The following CIBAR2 variants were observed in gnomAD, a reference collection of about 807,000 sequenced individuals.
CIBAR2 encodes the protein CBY1 interacting BAR domain containing 2.
CIBAR2 carries 38 observed loss-of-function variants against 36.2 expected under a neutral mutation model. The observed-to-expected ratio is 1.05, with a 90% CI of 0.81 to 1.38. The LOEUF is 1.38. CIBAR2 is among the 40% of genes most tolerant of loss of function. The pLI is 0.00. For missense variants in CIBAR2, 481 were observed against 383.4 expected, an observed-to-expected ratio of 1.25 and a Z score of -2.13; for synonymous variants, 182 against 149.5, an observed-to-expected ratio of 1.22 and a Z score of -1.58.
At chr16:85,105,548 G>A in intron 5 of CIBAR2, 117 bp from the exon 6 acceptor site, 3 of 718,974 alleles carry the variant, frequency 4.2e-6, no homozygotes, top group Non-Finnish European at 7.0e-6. Context: ...CCTGCCTCAA[G>A]GGACGTTTCT....
At position 85,102,241 on chromosome 16, in the gene CIBAR2, C is replaced by A; in HGVS notation, c.624G>T (p.Glu208Asp). ...EVYSSAFQTLEKYDLERDLLD... is the reference protein window; with the variant it reads ...EVYSSAFQTLDKYDLERDLLD... Reference sequence around the variant, plus strand: ...GTAGATCCCTCTCCAGGTCATACTTCTCCAGGGTCTGGAAGGCGCTAGAAT... The same window carrying A: ...GTAGATCCCTCTCCAGGTCATACTTATCCAGGGTCTGGAAGGCGCTAGAAT... The change falls in exon 7 of 9, where the codon GAG (glutamate) becomes GAT (aspartate). Residue 208 changes from glutamate (E) to aspartate (D), a missense_variant. By Grantham distance (45) the Glu-to-Asp change is conservative (BLOSUM62 2). Transcript: ENST00000539556. The A allele has an allele frequency of 6.2e-7, 1 of 1,609,838 alleles. No homozygotes were observed. The highest frequency in any genetic ancestry group is 1.1e-5 in the South Asian group (1 of 91,002).
chr16:85,102,370 A>G, intron 6 of CIBAR2, 43 bp from the exon 7 acceptor site: 1 of 1,260,380 alleles, frequency 7.9e-7, no homozygotes, highest in East Asian at 2.3e-5. Context: ...TCGCAGTGAG[A>G]AAGAGCCCAG....
intron 7 of CIBAR2, among the ~76,000 whole-genome samples, chr16:85,100,546 T>C (rs765300445): frequency 6.7e-6 from 1 of 148,446 alleles, no homozygotes; most frequent in African/African-American, 2.5e-5. Flanking sequence ...TATTGTGAAG[T>C]GAGTGAATGC....
At chr16:85,101,706 G>A (rs1235346398) in intron 7 of CIBAR2, among the ~76,000 whole-genome samples, 1 of 149,446 alleles carries the variant, frequency 6.7e-6, no homozygotes. Flanking sequence ...GTCTCGCTCT[G>A]TCGCCCAGGC....
At chr16:85,107,279 G>A (rs553101544) in intron 5 of CIBAR2, among the ~76,000 whole-genome samples, 12 of 152,222 alleles carry the variant, frequency 7.9e-5, no homozygotes, top group Non-Finnish European at 8.8e-5. Flanking sequence ...CTTTCCCACG[G>A]GGCAGGACAG....
At chr16:85,102,355 A>C (rs1276160218) in intron 6 of CIBAR2, 28 bp from the exon 7 acceptor site, 1 of 1,396,938 alleles carries the variant, frequency 7.2e-7, no homozygotes. Context: ...CAAAGAATGT[A>C]AGCATCGCAG....
In CIBAR2 at chr16:85,110,242, T is replaced by A; in HGVS notation, c.239A>T (p.Asp80Val). The A allele has an allele frequency of 1.3e-6, 2 of 1,575,628 alleles. No individual in the cohort carries two copies. Among genetic ancestry groups the A allele is most frequent in the Non-Finnish European group, 1.7e-6 (2 of 1,157,394 alleles). ...GFAEDLAKVQDYRQAQVERLE... is the reference protein window; with the variant it reads ...GFAEDLAKVQVYRQAQVERLE... ...AGCACTCACCTGGGCCTGCCGGTAA[T>A]CCTGCACTTTGGCCAGGTCCTCAGC... The change falls in exon 2 of 9, where the codon GAT becomes GTT. Residue 80 changes from aspartate (D) to valine (V), a missense_variant. Asp to Val is a radical substitution (Grantham distance 152, BLOSUM62 -3). Transcript: ENST00000539556.
intron 6 of CIBAR2, among the ~76,000 whole-genome samples, chr16:85,104,070 CAATT>C (rs1410605066): frequency 6.6e-6 from 1 of 152,254 alleles, no homozygotes; most frequent in Non-Finnish European, 1.5e-5. Context: ...ATTGAATACA[CAATT>C]AACCATTCCA....
chr16:85,106,575 G>T (rs911460020), intron 5 of CIBAR2, among the ~76,000 whole-genome samples: 1 of 152,112 alleles, frequency 6.6e-6, no homozygotes, highest in African/African-American at 2.4e-5. Context: ...TTGAAGACAG[G>T]GGAGGGGCCA....
rs774262113 is a variant in CIBAR2 at position 85,110,237 on chromosome 16, G to A, written c.244C>T (p.Arg82Trp). Residue 82 changes from arginine (R) to tryptophan (W), a missense_variant, in exon 2 of 9, where the codon CGG (arginine) becomes TGG (tryptophan). Physicochemically the swap from Arg to Trp is moderately radical, Grantham distance 101. Coordinates refer to ENST00000539556, the MANE Select transcript of CIBAR2 (RefSeq NM_198491.3). ...CCGGCAGCACTCACCTGGGCCTGCC[G>A]GTAATCCTGCACTTTGGCCAGGTCC... ...AEDLAKVQDY[R>W]QAQVERLETK... is the part of the protein sequence containing the mutation. 1.2e-5 allele frequency: 19 copies of A among 1,566,252 alleles called. No individual in the cohort carries two copies. Among genetic ancestry groups the A allele is most frequent in the Middle Eastern group, 1.7e-4 (1 of 5,830 alleles).
chr16:85,105,405 A>G lies in CIBAR2; in HGVS notation c.459T>C (p.Ala153=), dbSNP rs1417270042. The G allele has an allele frequency of 1.9e-6, 3 of 1,613,786 alleles. No individual in the cohort carries two copies. Among genetic ancestry groups the G allele is most frequent in the Admixed American group, 1.7e-5 (1 of 60,020 alleles). The part of the protein sequence containing the change: ...SQAETRVQRA[A]VDSSRTTLQL... ...GGAGGGTGGTGCGGCTGGAGTCCAC[A>G]GCGGCCCTCTGCACTCTGGTCTCTG... The change falls in exon 6 of 9, where the codon GCT becomes GCC. Residue 153 remains alanine (A), a synonymous_variant. Coordinates refer to ENST00000539556, the MANE Select transcript of CIBAR2 (RefSeq NM_198491.3).
intron 6 of CIBAR2, among the ~76,000 whole-genome samples, chr16:85,102,577 C>T (rs1456443423): frequency 2.5e-4 from 38 of 151,790 alleles, no homozygotes; most frequent in Admixed American, 2.5e-3. Context: ...TTTAAGAGGC[C>T]GAGTCAGGAG....
rs1317173921 is a variant in CIBAR2 at position 85,108,111 on chromosome 16, G to A, written c.256-12C>T. 6.2e-7 allele frequency: 1 copy of A among 1,601,520 alleles called. No homozygotes were observed. The highest frequency in any genetic ancestry group is 2.2e-5 in the East Asian group (1 of 44,786). On this transcript the variant is annotated splice_polypyrimidine_tract_variant and intron_variant, in intron 2 of 8. Transcript: ENST00000539556. Reference sequence around the variant, plus strand: ...TCCAGCCTCTCGACCTGGGGGAGCGGGGACACCAGGGGATCTGAGCGCAGG... The same window carrying A: ...TCCAGCCTCTCGACCTGGGGGAGCGAGGACACCAGGGGATCTGAGCGCAGG...
At position 85,100,156 on chromosome 16, in the gene CIBAR2, G is replaced by A. The variant is rs553906448; in HGVS notation, c.736C>T (p.Gln246Ter). ...ACGCTCACCTGGCTGGCGAGAGACTGAAGAACAGATGGAGGGGGGCTGGTG... is the reference window on the plus strand; with the variant it reads ...ACGCTCACCTGGCTGGCGAGAGACTAAAGAACAGATGGAGGGGGGCTGGTG... ...ANTSPPPSVL[Q>*]SLASQGTLQV... The change falls in exon 8 of 9, where the codon CAG (glutamine) becomes TAG (stop). Residue 246 changes from glutamine to a stop codon, truncating the protein, a stop_gained. Coordinates refer to ENST00000539556, the MANE Select transcript of CIBAR2 (RefSeq NM_198491.3). LOFTEE classifies it low-confidence loss of function (END_TRUNC). The A allele has an allele frequency of 5.0e-4, 811 of 1,610,930 alleles. 11 individuals are homozygous for A. The South Asian group carries it at 8.6e-3, about 17-fold the overall frequency.
intron 2 of CIBAR2, among the ~76,000 whole-genome samples, chr16:85,109,957 C>T (rs1428626832): frequency 6.6e-6 from 1 of 152,200 alleles, no homozygotes; most frequent in Non-Finnish European, 1.5e-5. Context: ...GTGTCTCCTT[C>T]GGGGGTTCAT....
chr16:85,103,742 A>G (rs2073973117), intron 6 of CIBAR2, among the ~76,000 whole-genome samples: 1 of 152,214 alleles, frequency 6.6e-6, no homozygotes, highest in Non-Finnish European at 1.5e-5. Context: ...TCATTCCACA[A>G]GCATTTACTG....
rs1277193593 is a variant in CIBAR2 at position 85,098,880 on chromosome 16, A to G, written c.*305T>C. The G allele has an allele frequency of 3.9e-6, 1 of 255,626 alleles. No homozygotes were observed. Among genetic ancestry groups the G allele is most frequent in the African/African-American group, 2.3e-5 (1 of 43,390 alleles). The allele number at this position is 255,626 out of a possible 1,614,324, so 15.8% of individuals were successfully genotyped here. ...GAGGACTCTAAGGCACAGAGAGGCT[A>G]GGAGACTTTCCCAAGGTCACACCGC... On this transcript the variant is annotated 3_prime_UTR_variant, in exon 9 of 9. Coordinates refer to ENST00000539556, the MANE Select transcript of CIBAR2 (RefSeq NM_198491.3).
In CIBAR2 at chr16:85,100,136, C is replaced by T. The variant is rs533752878; in HGVS notation, c.753+3G>A. ...GTAACCCCTCACCCACCCACACGCT[C>T]ACCTGGCTGGCGAGAGACTGAAGAA... On this transcript the variant is annotated splice_donor_region_variant and intron_variant, in intron 8 of 8. Transcript: ENST00000539556. The T allele has an allele frequency of 4.4e-6, 7 of 1,608,386 alleles. No individual in the cohort carries two copies. The highest frequency in any genetic ancestry group is 3.4e-5 in the South Asian group (3 of 89,408).
chr16:85,107,552 G>A lies in CIBAR2; in HGVS notation c.432+115C>T, dbSNP rs528662926. ...TACCTTTGGCTTTCCCAACCTGAGC[G>A]CAAGGTCCTGCACACACCTGCTTCA... On this transcript the variant is annotated intron_variant, in intron 5 of 8. Coordinates refer to ENST00000539556, the MANE Select transcript of CIBAR2 (RefSeq NM_198491.3). The A allele has an allele frequency of 2.6e-5, 31 of 1,173,972 alleles. No individual in the cohort carries two copies. In the East Asian group the frequency reaches 3.0e-4, roughly 11 times the overall value. The allele number at this position is 1,173,972 out of a possible 1,614,324, so 72.7% of individuals were successfully genotyped here.
Sources: allele counts gnomAD v4.1 joint callset (sites outside exome capture counted in the v4.1 genomes callset), GRCh38; gene constraint gnomAD v4.1.1; transcripts MANE v1.5; gene names NCBI Gene and HGNC (gene_info 2026-07-23, HGNC 2026-07-21).